ERC1: variants seen among roughly 807,000 people sequenced by gnomAD.
ERC1 encodes ELKS/RAB6-interacting/CAST family member 1.
ERC1 carries 56 observed loss-of-function variants against 132.0 expected under a neutral mutation model. The ratio of observed to expected loss-of-function variants is 0.42; its 90% CI spans 0.34 to 0.53. The LOEUF (loss-of-function observed/expected upper bound fraction) is 0.53, where lower values mean the gene tolerates loss of function less well. Ranked by LOEUF, ERC1 falls within the 20% of genes least tolerant of loss-of-function variation. The probability of loss-of-function intolerance (pLI) is 0.03; values close to 1 mark genes in which losing one functional copy is unlikely to be tolerated. For missense variants in ERC1, 1,202 were observed against 1,349.9 expected, an observed-to-expected ratio of 0.89 and a Z score of 1.72; for synonymous variants, 478 against 476.1, an observed-to-expected ratio of 1.00 and a Z score of -0.05.
intron 15 of ERC1, among the ~76,000 whole-genome samples, chr12:1,347,448 CATT>C: frequency 6.7e-6 from 1 of 149,486 alleles, no homozygotes; most frequent in Admixed American, 6.7e-5. Context: ...ATTAACATAT[CATT>C]ATCTCACATG....
intron 15 of ERC1, among the ~76,000 whole-genome samples, chr12:1,330,285 C>T (rs979546578): frequency 3.9e-5 from 6 of 152,188 alleles, no homozygotes; most frequent in Admixed American, 1.3e-4. Flanking sequence ...GCTTTCTTCA[C>T]TCAAAACTTT....
intron 8 of ERC1, among the ~76,000 whole-genome samples, chr12:1,174,466 C>T (rs915800336): frequency 1.3e-5 from 2 of 152,214 alleles, no homozygotes; most frequent in African/African-American, 4.8e-5. Flanking sequence ...AACTTGCTGA[C>T]GGCATTTTAC....
At position 1,323,598 on chromosome 12, in the gene ERC1, A is replaced by T. The variant is rs374627760; in HGVS notation, c.2780+33586A>T. On this transcript the variant is annotated intron_variant, in intron 15 of 18. Transcript: ENST00000360905. ...TACAAGGAAATCACAAATCGTAACT[A>T]GAATACATTCACTTACATATTACAC... Among the ~76,000 whole-genome samples, 13 of 152,346 alleles carry T rather than the reference A, an allele frequency of 8.5e-5. No individual in the cohort carries two copies. In the East Asian group the frequency reaches 1.5e-3, roughly 18 times the overall value.
chr12:1,247,212 G>C (rs1412782208), intron 13 of ERC1, among the ~76,000 whole-genome samples: 1 of 151,974 alleles, frequency 6.6e-6, no homozygotes, highest in Non-Finnish European at 1.5e-5. Context: ...CTGCAAGACA[G>C]AGTGAGACCC....
At chr12:1,077,091 A>G (rs529877944) in intron 2 of ERC1, among the ~76,000 whole-genome samples, 1 of 152,214 alleles carries the variant, frequency 6.6e-6, no homozygotes, top group African/African-American at 2.4e-5. Flanking sequence ...TCAGAAAAAA[A>G]TGTTCTTAAT....
intron 12 of ERC1, among the ~76,000 whole-genome samples, chr12:1,216,388 CCA>C (rs1958408641): frequency 6.6e-6 from 1 of 151,856 alleles, no homozygotes; most frequent in Admixed American, 6.6e-5. Context: ...CCTTGATTTC[CCA>C]CAGTTAGCCT....
At chr12:1,322,824 T>C (rs1208954524) in intron 15 of ERC1, among the ~76,000 whole-genome samples, 2 of 152,192 alleles carry the variant, frequency 1.3e-5, no homozygotes, top group Non-Finnish European at 2.9e-5. Context: ...TTGTCCATTT[T>C]AGAACAGCCA....
intron 15 of ERC1, among the ~76,000 whole-genome samples, chr12:1,339,812 G>T (rs150019949): frequency 6.6e-6 from 1 of 152,152 alleles, no homozygotes; most frequent in African/African-American, 2.4e-5. Flanking sequence ...GCTGTCCTCT[G>T]TGCCTGGTTT....
chr12:1,269,931 A>C (rs1227952302), intron 14 of ERC1, among the ~76,000 whole-genome samples: 2 of 152,228 alleles, frequency 1.3e-5, no homozygotes, highest in Non-Finnish European at 2.9e-5. Context: ...GGGACAATTC[A>C]GCATATTGGT....
intron 15 of ERC1, among the ~76,000 whole-genome samples, chr12:1,294,343 A>G (rs2079746078): frequency 6.6e-6 from 1 of 152,244 alleles, no homozygotes. Context: ...GTTTAAAAAA[A>G]AATCCATGCT....
chr12:1,376,743 A>T (rs919202765), intron 16 of ERC1, among the ~76,000 whole-genome samples: 3 of 152,270 alleles, frequency 2.0e-5, no homozygotes, highest in Non-Finnish European at 1.5e-5. Context: ...AGAATAATAC[A>T]AACAATGCTA....
intron 12 of ERC1, among the ~76,000 whole-genome samples, chr12:1,203,787 GC>G (rs1374599229): frequency 1.3e-5 from 2 of 152,204 alleles, no homozygotes; most frequent in Admixed American, 6.5e-5. Context: ...TACATGCTGT[GC>G]AGGAATATTA....
At position 1,225,463 on chromosome 12, in the gene ERC1, C is replaced by A. The variant is rs1004424224; in HGVS notation, c.2352-11306C>A. ...AGGCTGTCTCTTACACACACACACA[C>A]ACACACACACACACACACACACACA... On this transcript the variant is annotated intron_variant, in intron 12 of 18. Transcript: ENST00000360905. Among the ~76,000 whole-genome samples the A allele has an allele frequency of 7.4e-4, 110 of 148,686 alleles. 2 individuals carry two copies. The highest frequency in any genetic ancestry group is 2.0e-3 in the African/African-American group (82 of 40,962).
At chr12:1,448,911 A>G (rs1455482524) in intron 18 of ERC1, among the ~76,000 whole-genome samples, 1 of 152,256 alleles carries the variant, frequency 6.6e-6, no homozygotes, top group Admixed American at 6.5e-5. Flanking sequence ...TTGTCAGCCC[A>G]TGAAAGCAGC....
At chr12:991,407 C>T (rs1959210761) in intron 1 of ERC1, 85 bp downstream of exon 1, 1 of 153,640 alleles carries the variant, frequency 6.5e-6, no homozygotes, top group Admixed American at 6.5e-5. Flanking sequence ...GAGGCTTTCG[C>T]CTTTCCTACC....
At chr12:1,102,749 A>C (rs1944813700) in intron 3 of ERC1, among the ~76,000 whole-genome samples, 1 of 152,204 alleles carries the variant, frequency 6.6e-6, no homozygotes, top group African/African-American at 2.4e-5. Context: ...ATAAATCATA[A>C]AATATGTTAG....
intron 7 of ERC1, 22 bp downstream of exon 7, chr12:1,116,055 G>A: frequency 6.3e-7 from 1 of 1,594,246 alleles, no homozygotes; most frequent in Non-Finnish European, 8.6e-7. Context: ...TCTGGGATTT[G>A]TGGGGAGTTG....
intron 18 of ERC1, among the ~76,000 whole-genome samples, chr12:1,485,478 C>A (rs766549829): frequency 1.1e-4 from 16 of 152,178 alleles, no homozygotes; most frequent in Non-Finnish European, 1.9e-4. Context: ...GCTGGGATTA[C>A]AGGCGTGAGC....
intron 4 of ERC1, among the ~76,000 whole-genome samples, chr12:1,106,336 C>T (rs1945261574): frequency 6.6e-6 from 1 of 152,136 alleles, no homozygotes; most frequent in African/African-American, 2.4e-5. Context: ...AGTTAGGGAC[C>T]TCCCCCCACA....
Sources: gnomAD v4.1 joint callset for allele counts (sites outside exome capture counted in the v4.1 genomes callset) on GRCh38, gnomAD v4.1.1 for gene constraint, MANE v1.5 for transcripts, NCBI Gene and HGNC (gene_info 2026-07-23, HGNC 2026-07-21) for gene names.